Variants in HS6ST3 observed in about 807,000 individuals in gnomAD.
The protein encoded by HS6ST3 is heparan-sulfate 6-O-sulfotransferase 3.
HS6ST3 carries 12 observed loss-of-function variants against 36.7 expected under a neutral mutation model. The ratio of observed to expected loss-of-function variants is 0.33; its 90% CI spans 0.21 to 0.53. The LOEUF is 0.53. Among genes scored for constraint, HS6ST3 ranks in the 20% least tolerant of loss-of-function variants. The pLI is 0.95. For missense variants in HS6ST3, 584 were observed against 640.9 expected (o/e 0.91, Z 0.96); for synonymous variants, 240 against 257.5 (o/e 0.93, Z 0.65).
intron 1 of HS6ST3, among the ~76,000 whole-genome samples, chr13:96,420,962 G>A (rs1286327854): frequency 1.3e-5 from 2 of 152,098 alleles, no homozygotes; most frequent in Non-Finnish European, 2.9e-5. Flanking sequence ...CTTTCATGCA[G>A]TTGAACCTTT....
At chr13:96,146,378 G>T (rs1398453158) in intron 1 of HS6ST3, among the ~76,000 whole-genome samples, 1 of 152,100 alleles carries the variant, frequency 6.6e-6, no homozygotes, top group Non-Finnish European at 1.5e-5. Context: ...CACATCCCTT[G>T]TAAGTTGTAT....
chr13:96,296,503 T>C (rs1034833667), intron 1 of HS6ST3, among the ~76,000 whole-genome samples: 2 of 152,108 alleles, frequency 1.3e-5, no homozygotes, highest in Non-Finnish European at 2.9e-5. Context: ...GGTCTGTAGA[T>C]TGTGAACTAC....
intron 1 of HS6ST3, among the ~76,000 whole-genome samples, chr13:96,181,348 A>G (rs1187029768): frequency 1.3e-5 from 2 of 152,192 alleles, no homozygotes; most frequent in African/African-American, 4.8e-5. Flanking sequence ...GATATTTCCT[A>G]TTGCGAGTCA....
chr13:96,814,120 C>A lies in HS6ST3; in HGVS notation c.708-18370C>A, dbSNP rs145825190. Among the ~76,000 whole-genome samples the A allele has an allele frequency of 8.2e-3, 1,252 of 152,172 alleles. 24 individuals carry two copies. The highest frequency in any genetic ancestry group is 0.029 in the African/African-American group (1,211 of 41,510). Reference sequence around the variant, plus strand: ...GAATTGTCATCCTTGTAAATCTTTTCCTTGCAGACTGTGTTAATTCCAGGG... The same window carrying A: ...GAATTGTCATCCTTGTAAATCTTTTACTTGCAGACTGTGTTAATTCCAGGG... On this transcript the variant is annotated intron_variant, in intron 1 of 1. Transcript: ENST00000376705.
At chr13:96,778,242 A>G (rs1877440315) in intron 1 of HS6ST3, among the ~76,000 whole-genome samples, 1 of 152,216 alleles carries the variant, frequency 6.6e-6, no homozygotes. Flanking sequence ...CCTAGGCAAT[A>G]CCATTCAGGA....
chr13:96,191,819 C>G (rs1386818163), intron 1 of HS6ST3, among the ~76,000 whole-genome samples: 1 of 152,148 alleles, frequency 6.6e-6, no homozygotes, highest in East Asian at 1.9e-4. Flanking sequence ...ATGAGTCAAC[C>G]AGTGCTTTGT....
intron 1 of HS6ST3, among the ~76,000 whole-genome samples, chr13:96,162,559 A>G (rs2054140875): frequency 6.6e-6 from 1 of 152,222 alleles, no homozygotes; most frequent in African/African-American, 2.4e-5. Context: ...GGAGGTAGGG[A>G]AGAGAAAACA....
In HS6ST3 at chr13:96,688,070, A is replaced by T. The variant is rs1438061467; in HGVS notation, c.708-144420A>T. ...CATCACACACACACCGGGGCCTGTC[A>T]TGGAATGGGGGGGGGGGAGGGATAG... is the stretch of plus-strand genomic sequence containing the variant. On this transcript the variant is annotated intron_variant, in intron 1 of 1. Coordinates refer to ENST00000376705, the MANE Select transcript of HS6ST3 (RefSeq NM_153456.4). 4.3e-4 allele frequency among the ~76,000 whole-genome samples: 4 copies of T among 9,332 alleles called. No homozygotes were observed. The Admixed American group carries it at 4.8e-3, about 11-fold the overall frequency. The allele number at this position is 9,332 out of a possible 152,430, so 6.1% of individuals were successfully genotyped here.
intron 1 of HS6ST3, among the ~76,000 whole-genome samples, chr13:96,449,608 T>C (rs1484979180): frequency 6.6e-6 from 1 of 152,298 alleles, no homozygotes; most frequent in East Asian, 1.9e-4. Flanking sequence ...CAGGAGACCA[T>C]ACCTCCATAT....
rs540502477 is a variant in HS6ST3, at chr13:96,113,176, C to T, written c.707+21607C>T. Among the ~76,000 whole-genome samples the T allele has an allele frequency of 1.2e-4, 19 of 152,230 alleles. No homozygotes were observed. In the South Asian group the frequency reaches 3.5e-3, roughly 28 times the overall value. ...CATCCAAGGATGAGTCACACAAACA[C>T]GGATTCACTTAAATTTAAGGAGGTG... On this transcript the variant is annotated intron_variant, in intron 1 of 1. Transcript: ENST00000376705.
intron 1 of HS6ST3, among the ~76,000 whole-genome samples, chr13:96,140,832 G>C (rs1261198268): frequency 2.0e-5 from 3 of 152,100 alleles, no homozygotes; most frequent in Admixed American, 2.0e-4. Context: ...GAAAAATTGA[G>C]ATCATTACGT....
intron 1 of HS6ST3, among the ~76,000 whole-genome samples, chr13:96,679,079 G>A (rs917128184): frequency 6.7e-5 from 10 of 149,494 alleles, no homozygotes; most frequent in Non-Finnish European, 1.5e-4. Context: ...AAGGGAATTC[G>A]TGCCTGGGCT....
chr13:96,286,698 C>T (rs1250239317), intron 1 of HS6ST3, among the ~76,000 whole-genome samples: 1 of 152,144 alleles, frequency 6.6e-6, no homozygotes, highest in Non-Finnish European at 1.5e-5. Flanking sequence ...CACCTTCACT[C>T]TCCTGATGGG....
At chr13:96,611,252 A>G (rs908618028) in intron 1 of HS6ST3, among the ~76,000 whole-genome samples, 1 of 151,862 alleles carries the variant, frequency 6.6e-6, no homozygotes, top group Non-Finnish European at 1.5e-5. Flanking sequence ...GTCTTCTACA[A>G]TTTACCTATC....
intron 1 of HS6ST3, among the ~76,000 whole-genome samples, chr13:96,776,616 C>T (rs1300549806): frequency 6.6e-6 from 1 of 152,160 alleles, no homozygotes; most frequent in East Asian, 1.9e-4. Context: ...TTCCTGGACA[C>T]ATAGACCCTC....
chr13:96,570,860 A>G (rs558808077), intron 1 of HS6ST3, among the ~76,000 whole-genome samples: 1 of 152,334 alleles, frequency 6.6e-6, no homozygotes, highest in East Asian at 1.9e-4. Context: ...CCAAAGTACT[A>G]TTGAATATAG....
intron 1 of HS6ST3, among the ~76,000 whole-genome samples, chr13:96,689,139 A>T (rs895388340): frequency 2.0e-5 from 3 of 152,070 alleles, no homozygotes; most frequent in Non-Finnish European, 4.4e-5. Context: ...AAATGAGTGT[A>T]ATCAAAGTAC....
intron 1 of HS6ST3, among the ~76,000 whole-genome samples, chr13:96,768,240 A>G (rs1018362592): frequency 5.9e-5 from 9 of 152,212 alleles, no homozygotes; most frequent in African/African-American, 2.2e-4. Context: ...GCATGCAGAC[A>G]CCACTTTTAA....
At chr13:96,612,466 T>C (rs2056460128) in intron 1 of HS6ST3, among the ~76,000 whole-genome samples, 1 of 152,152 alleles carries the variant, frequency 6.6e-6, no homozygotes, top group Non-Finnish European at 1.5e-5. Flanking sequence ...CTCATAAAGT[T>C]ATTTCCAAAT....
Sources: allele counts gnomAD v4.1 joint callset (sites outside exome capture counted in the v4.1 genomes callset), GRCh38; gene constraint gnomAD v4.1.1; transcripts MANE v1.5; gene names NCBI Gene and HGNC (gene_info 2026-07-23, HGNC 2026-07-21).